The following TIAM1 variants were observed in gnomAD, a reference collection of about 807,000 sequenced individuals.
TIAM1 encodes the protein rho guanine nucleotide exchange factor TIAM1.
Under a neutral mutation model 163.5 loss-of-function variants are expected in TIAM1, and 65 were observed. That is an observed-to-expected ratio of 0.40 (90% CI 0.33 to 0.49). The LOEUF is 0.49. Ranked by LOEUF, TIAM1 falls within the 20% of genes least tolerant of loss-of-function variation. TIAM1 has a pLI of 0.77. For missense variants in TIAM1, 1,789 were observed against 2,044.7 expected, an observed-to-expected ratio of 0.87 and a Z score of 2.41; for synonymous variants, 833 against 810.1, an observed-to-expected ratio of 1.03 and a Z score of -0.48.
chr21:31,266,554 G>A lies in TIAM1; in HGVS notation c.419C>T (p.Thr140Ile), dbSNP rs2072782858. 2 of 1,614,092 alleles carry A rather than the reference G, an allele frequency of 1.2e-6. No homozygotes were observed. Among genetic ancestry groups the A allele is most frequent in the Non-Finnish European group, 1.7e-6 (2 of 1,180,066 alleles). The change falls in exon 4 of 28, where the codon ACA becomes ATA. Residue 140 changes from threonine to isoleucine, a missense_variant. By Grantham distance (89) the Thr-to-Ile change is moderately conservative. Transcript: ENST00000541036. ...CCTCCTGCCTCCCTCAGCCAAATAT[G>A]TAGCGTCATCCCCGTAAAGCCTGCT... ...EESRLYGDDA[T>I]YLAEGGRRQH... is the part of the protein sequence containing the mutation.
In TIAM1 at chr21:31,427,261, C is replaced by T. The variant is rs1006118620; in HGVS notation, c.-369+36722G>A. Among the ~76,000 whole-genome samples, 6 of 152,192 alleles carry T rather than the reference C, an allele frequency of 3.9e-5. No homozygotes were observed. In the South Asian group the frequency reaches 6.2e-4, roughly 16 times the overall value. ...CAGCACTTTGGGAGGCCAAGGTGGG[C>T]GGATCACGAGGTCAGGGGATCGAGA... is the stretch of plus-strand genomic sequence containing the variant. On this transcript the variant is annotated intron_variant, in intron 2 of 28. Coordinates refer to the TIAM1 transcript ENST00000286827.
chr21:31,389,618 G>A (rs1227982260), intron 2 of TIAM1, among the ~76,000 whole-genome samples: 1 of 152,246 alleles, frequency 6.6e-6, no homozygotes, highest in Non-Finnish European at 1.5e-5. Context: ...GCATACACAG[G>A]CTGCCCAACT....
intron 5 of TIAM1, among the ~76,000 whole-genome samples, chr21:31,251,309 G>A (rs763402230): frequency 3.9e-5 from 6 of 152,106 alleles, no homozygotes; most frequent in Non-Finnish European, 7.4e-5. Context: ...TACTAATTAG[G>A]GGGCATAAAG....
intron 2 of TIAM1, among the ~76,000 whole-genome samples, chr21:31,398,047 C>T (rs1041002132): frequency 2.6e-5 from 4 of 151,626 alleles, no homozygotes; most frequent in African/African-American, 9.7e-5. Context: ...TGTTGGCTTC[C>T]CTTTGACCTC....
chr21:31,389,454 C>T (rs1463243750), intron 2 of TIAM1, among the ~76,000 whole-genome samples: 4 of 152,190 alleles, frequency 2.6e-5, no homozygotes, highest in Non-Finnish European at 5.9e-5. Context: ...GGTGATCTGC[C>T]TGCCTCGGCC....
chr21:31,351,548 G>A (rs2076234398), intron 2 of TIAM1, among the ~76,000 whole-genome samples: 1 of 152,162 alleles, frequency 6.6e-6, no homozygotes. Flanking sequence ...AGACAAGCAA[G>A]CAAGGGGCCC....
chr21:31,418,341 C>CAAAAAA (rs71193114), intron 2 of TIAM1, among the ~76,000 whole-genome samples: 3 of 34,742 alleles, frequency 8.6e-5, no homozygotes, highest in East Asian at 6.5e-4. Context: ...GACTCTGTCT[C>CAAAAAA]AAAAAAAAAA....
At chr21:31,480,570 T>C (rs1015528456) in intron 1 of TIAM1, among the ~76,000 whole-genome samples, 2 of 152,156 alleles carry the variant, frequency 1.3e-5, no homozygotes, top group Admixed American at 6.5e-5. Flanking sequence ...CATTGCCGCA[T>C]GCCAGAGTAA....
chr21:31,494,394 C>A (rs2046573800), intron 1 of TIAM1, among the ~76,000 whole-genome samples: 1 of 152,190 alleles, frequency 6.6e-6, no homozygotes, highest in African/African-American at 2.4e-5. Flanking sequence ...GAAGAATCCT[C>A]TTTCTCCCAA....
At chr21:31,360,979 T>A (rs892834161) in intron 2 of TIAM1, among the ~76,000 whole-genome samples, 10 of 152,100 alleles carry the variant, frequency 6.6e-5, no homozygotes, top group Non-Finnish European at 1.0e-4. Context: ...TCAGGCACTT[T>A]AGTAAAGATG....
intron 1 of TIAM1, among the ~76,000 whole-genome samples, chr21:31,553,169 G>A (rs900629833): frequency 6.6e-6 from 1 of 152,200 alleles, no homozygotes; most frequent in African/African-American, 2.4e-5. Context: ...AGCATGTCAG[G>A]TGGTAGAATT....
chr21:31,157,613 AG>A (rs933468606), intron 16 of TIAM1, among the ~76,000 whole-genome samples: 1 of 152,084 alleles, frequency 6.6e-6, no homozygotes. Context: ...ATTCCATCAC[AG>A]GGTGCACACA....
At chr21:31,186,748 T>G (rs1271902928) in intron 14 of TIAM1, among the ~76,000 whole-genome samples, 8 of 151,892 alleles carry the variant, frequency 5.3e-5, no homozygotes, top group Non-Finnish European at 2.9e-5. Context: ...GCCACTGGAC[T>G]CCAGCCTGGG....
chr21:31,170,198 TAAAAGGCTGG>T (rs2084436005), intron 15 of TIAM1, among the ~76,000 whole-genome samples: 1 of 151,990 alleles, frequency 6.6e-6, no homozygotes, highest in Admixed American at 6.5e-5. Context: ...CACACAAGAT[TAAAAGGCTGG>T]AAAACTATAT....
chr21:31,493,685 C>A (rs1279619460), intron 1 of TIAM1, among the ~76,000 whole-genome samples: 2 of 152,116 alleles, frequency 1.3e-5, no homozygotes, highest in African/African-American at 4.8e-5. Flanking sequence ...GAAGAATAGC[C>A]TGGCTTGGCA....
intron 27 of TIAM1, among the ~76,000 whole-genome samples, chr21:31,123,302 AG>A (rs2146203785): frequency 6.6e-6 from 1 of 152,304 alleles, no homozygotes; most frequent in East Asian, 1.9e-4. Context: ...AGCAAACAAG[AG>A]GGGCAGATAA....
chr21:31,189,765 C>T (rs1368095181), intron 13 of TIAM1, among the ~76,000 whole-genome samples: 1 of 151,996 alleles, frequency 6.6e-6, no homozygotes, highest in Non-Finnish European at 1.5e-5. Flanking sequence ...ATACTTTGCA[C>T]ACTGGGGGAA....
chr21:31,279,116 C>CA (rs993313861), intron 2 of TIAM1, among the ~76,000 whole-genome samples: 7 of 150,460 alleles, frequency 4.7e-5, no homozygotes, highest in East Asian at 1.9e-4. Flanking sequence ...AGTCCCTGAA[C>CA]AAAAAAATAT....
chr21:31,493,268 C>T (rs1486625702), intron 1 of TIAM1, among the ~76,000 whole-genome samples: 1 of 152,134 alleles, frequency 6.6e-6, no homozygotes. Flanking sequence ...TCTAAGAATG[C>T]ATAATCTAAT....
Sources: allele counts gnomAD v4.1 joint callset (sites outside exome capture counted in the v4.1 genomes callset), GRCh38; gene constraint gnomAD v4.1.1; transcripts MANE v1.5; gene names NCBI Gene and HGNC (gene_info 2026-07-23, HGNC 2026-07-21).